The following RPRD2 variants were observed in gnomAD, a reference collection of about 807,000 sequenced individuals.
RPRD2 encodes regulation of nuclear pre-mRNA domain-containing protein 2.
RPRD2 carries 12 observed loss-of-function variants against 104.4 expected under a neutral mutation model. The observed-to-expected ratio is 0.11, with a 90% CI of 0.07 to 0.19. RPRD2 has a LOEUF of 0.19. RPRD2 is among the 10% of genes least tolerant of loss of function. The probability of loss-of-function intolerance (pLI) is 1.00; values close to 1 mark genes in which losing one functional copy is unlikely to be tolerated. For synonymous variants in RPRD2, 714 were observed against 684.9 expected (o/e 1.04, Z -0.66); for missense variants, 1,543 against 1,790.1 (o/e 0.86, Z 2.49).
intron 1 of RPRD2, among the ~76,000 whole-genome samples, chr1:150,401,045 G>A (rs782334698): frequency 2.0e-5 from 3 of 151,960 alleles, no homozygotes; most frequent in Admixed American, 6.6e-5. Context: ...GTGTGGTGGC[G>A]GGCACCTGTA....
intron 2 of RPRD2, among the ~76,000 whole-genome samples, chr1:150,431,506 G>A (rs1013212440): frequency 1.8e-5 from 1 of 57,130 alleles, no homozygotes; most frequent in Non-Finnish European, 3.2e-5. Context: ...TTGAGACGGG[G>A]TTTTGTCCTT....
intron 1 of RPRD2, among the ~76,000 whole-genome samples, chr1:150,398,834 C>T (rs1043443905): frequency 1.3e-5 from 2 of 152,014 alleles, no homozygotes; most frequent in Non-Finnish European, 2.9e-5. Flanking sequence ...TGAGACACCA[C>T]ACCCGGCCTT....
chr1:150,471,913 C>G lies in RPRD2; in HGVS notation c.2965C>G (p.Pro989Ala). The G allele has an allele frequency of 1.9e-6, 3 of 1,613,954 alleles. No homozygotes were observed. Among genetic ancestry groups the G allele is most frequent in the Non-Finnish European group, 2.5e-6 (3 of 1,179,890 alleles). ...NTLAAPTGHPPTSGVEKVLAS... is the reference protein window; with the variant it reads ...NTLAAPTGHPATSGVEKVLAS... The stretch of plus-strand genomic sequence containing the variant: ...CCTTGCCGCTCCCACGGGTCACCCA[C>G]CCACGTCAGGCGTGGAGAAAGTCCT... Residue 989 changes from proline (P) to alanine (A), a missense_variant, in exon 11 of 11, where the codon CCC (proline) becomes GCC (alanine). Coordinates refer to ENST00000369068, the MANE Select transcript of RPRD2 (RefSeq NM_015203.5). The surrounding 1 kb of genome is among the most constrained non-coding windows in gnomAD (Gnocchi z 5.3).
intron 7 of RPRD2, among the ~76,000 whole-genome samples, chr1:150,449,670 CACTTA>C (rs1667024471): frequency 6.6e-6 from 1 of 152,076 alleles, no homozygotes; most frequent in Non-Finnish European, 1.5e-5. Context: ...CTGATGACCT[CACTTA>C]ACTTGATTAC....
At chr1:150,469,227 C>T (rs1668462915) in intron 10 of RPRD2, among the ~76,000 whole-genome samples, 1 of 152,054 alleles carries the variant, frequency 6.6e-6, no homozygotes, top group East Asian at 1.9e-4. Context: ...TTAGTGTATT[C>T]AGTGACTAAA....
chr1:150,431,110 C>T (rs1381408613), intron 2 of RPRD2, among the ~76,000 whole-genome samples: 1 of 152,004 alleles, frequency 6.6e-6, no homozygotes, highest in Non-Finnish European at 1.5e-5. Flanking sequence ...ACTAGGGTAA[C>T]TATAATTCAA....
At chr1:150,386,165 G>A (rs1044845304) in intron 1 of RPRD2, among the ~76,000 whole-genome samples, 1 of 152,024 alleles carries the variant, frequency 6.6e-6, no homozygotes, top group Non-Finnish European at 1.5e-5. Context: ...GATGGTGGGG[G>A]ATCTCACTAT....
chr1:150,444,146 GTGTT>G (rs1482376588), intron 5 of RPRD2, 101 bp from the exon 6 acceptor site: 4 of 1,130,444 alleles, frequency 3.5e-6, no homozygotes, highest in East Asian at 2.5e-5. Flanking sequence ...AAGCTTTAGG[GTGTT>G]TGTTTTGTTT....
Position 150,470,614 on chromosome 1 carries a change from G to A in RPRD2, c.1666G>A (p.Ala556Thr), listed in dbSNP as rs1262097985. Residue 556 changes from alanine to threonine, a missense_variant, in exon 11 of 11, where the codon GCT becomes ACT. By Grantham distance (58) the Ala-to-Thr change is moderately conservative. Around this residue, in one of 4 missense-constraint regions of RPRD2, gnomAD observed 572 missense variants for 787.3 expected, o/e 0.73. Transcript: ENST00000369068. ...VTGNPVPASEAASQSTSASPA... is the reference protein window; with the variant it reads ...VTGNPVPASETASQSTSASPA... ...TGGGAACCCAGTTCCAGCCAGTGAA[G>A]CTGCCTCACAGAGCACTTCAGCCTC... The A allele has an allele frequency of 1.2e-6, 2 of 1,613,758 alleles. No individual in the cohort carries two copies. The highest frequency in any genetic ancestry group is 3.3e-5 in the Admixed American group (2 of 59,982).
chr1:150,472,700 C>T lies in RPRD2; in HGVS notation c.3752C>T (p.Ala1251Val), dbSNP rs1228375197. ...SNPFTKEAAL[A>V]HAAPPPPPGE... ...CCCTTCACAAAGGAGGCAGCCCTGG[C>T]CCATGCTGCCCCACCCCCTCCTCCT... Residue 1251 changes from alanine to valine, a missense_variant, in exon 11 of 11, where the codon GCC becomes GTC. Physicochemically the swap from Ala to Val is moderately conservative, Grantham distance 64 (BLOSUM62 0). This residue lies in a region of RPRD2 where 880 missense variants were observed against 885.6 expected (regional missense o/e 0.99). Coordinates refer to ENST00000369068, the MANE Select transcript of RPRD2 (RefSeq NM_015203.5). 3 of 1,613,752 alleles carry T rather than the reference C, an allele frequency of 1.9e-6. No homozygotes were observed. In the South Asian group the frequency reaches 3.3e-5, roughly 18 times the overall value.
intron 9 of RPRD2, among the ~76,000 whole-genome samples, chr1:150,462,549 T>TTTTATTTA (rs1189724325): frequency 6.6e-6 from 1 of 151,936 alleles, no homozygotes; most frequent in South Asian, 2.1e-4. Flanking sequence ...GGAATTTTAT[T>TTTTATTTA]TTTATTTATT....
In RPRD2 at chr1:150,471,130, G is replaced by A. The variant is rs760509886; in HGVS notation, c.2182G>A (p.Glu728Lys). 1 of 1,613,908 alleles carries A rather than the reference G, an allele frequency of 6.2e-7. No homozygotes were observed. Among genetic ancestry groups the A allele is most frequent in the African/African-American group, 1.3e-5 (1 of 75,016 alleles). ...DNIDGTPVRD[E>K]RSGTPTQDEM... is the part of the protein sequence containing the mutation. ...CATTGATGGAACCCCTGTACGGGAT[G>A]AACGGAGTGGGACACCCACCCAGGA... is the stretch of plus-strand genomic sequence containing the variant. The change falls in exon 11 of 11, where the codon GAA becomes AAA. Residue 728 changes from glutamate (E) to lysine (K), a missense_variant. Physicochemically the swap from Glu to Lys is moderately conservative, Grantham distance 56 (BLOSUM62 1). Coordinates refer to ENST00000369068, the MANE Select transcript of RPRD2 (RefSeq NM_015203.5). This position sits in a 1 kb window ranked among gnomAD's most constrained non-coding sequence, Gnocchi z 5.3.
chr1:150,436,652 C>T (rs188307875), intron 2 of RPRD2, among the ~76,000 whole-genome samples: 161 of 151,432 alleles, frequency 1.1e-3, no homozygotes, highest in African/African-American at 3.6e-3. Flanking sequence ...CCTGTAATCC[C>T]AGCACTTTGG....
intron 1 of RPRD2, among the ~76,000 whole-genome samples, chr1:150,383,785 T>A (rs1327849866): frequency 6.6e-6 from 1 of 152,202 alleles, no homozygotes; most frequent in Non-Finnish European, 1.5e-5. Flanking sequence ...TCCCCACACA[T>A]GCATGCTATT....
At chr1:150,459,957 G>T in intron 8 of RPRD2, 103 bp from the exon 9 acceptor site, 18 of 967,418 alleles carry the variant, frequency 1.9e-5, no homozygotes, top group East Asian at 2.6e-5. Flanking sequence ...CTAAAGTAGT[G>T]CCTTTTCCCC....
At position 150,473,733 on chromosome 1, in the gene RPRD2, T is replaced by C. The variant is rs1668756624; in HGVS notation, c.*399T>C. 6.5e-6 allele frequency: 1 copy of C among 154,750 alleles called. No homozygotes were observed. Among genetic ancestry groups the C allele is most frequent in the South Asian group, 2.0e-4 (1 of 4,934 alleles). 9.6% of individuals were successfully genotyped at this position (154,750 alleles called of 1,614,324 possible). ...GATAACCACATGTGCAATGTTGGGA[T>C]GTTATTTTGGGCTTGGCTTATCGAG... On this transcript the variant is annotated 3_prime_UTR_variant, in exon 11 of 11. Coordinates refer to ENST00000369068, the MANE Select transcript of RPRD2 (RefSeq NM_015203.5).
At position 150,444,384 on chromosome 1, in the gene RPRD2, C is replaced by T; in HGVS notation, c.694+7C>T. On this transcript the variant is annotated splice_region_variant and intron_variant, in intron 6 of 10. Transcript: ENST00000369068. ...ACTCTCAAATGCTTAAAAGGTAATGCTTACATCCTTTTAGAGTAAGTCAGA... is the reference window on the plus strand; with the variant it reads ...ACTCTCAAATGCTTAAAAGGTAATGTTTACATCCTTTTAGAGTAAGTCAGA... 1 of 1,610,138 alleles carries T rather than the reference C, an allele frequency of 6.2e-7. No individual in the cohort carries two copies. The highest frequency in any genetic ancestry group is 8.5e-7 in the Non-Finnish European group (1 of 1,178,500).
chr1:150,447,034 C>T (rs587714130), intron 7 of RPRD2, among the ~76,000 whole-genome samples: 5 of 152,136 alleles, frequency 3.3e-5, no homozygotes, highest in African/African-American at 1.2e-4. Flanking sequence ...CGAGGTTTCT[C>T]CATGTTGGTC....
In RPRD2 at chr1:150,398,397, T is replaced by C. The variant is rs113362300; in HGVS notation, c.206-19199T>C. Among the ~76,000 whole-genome samples, 1,394 of 151,916 alleles carry C rather than the reference T, an allele frequency of 9.2e-3. 16 individuals are homozygous for C. Among genetic ancestry groups the C allele is most frequent in the African/African-American group, 0.031 (1,302 of 41,460 alleles). On this transcript the variant is annotated intron_variant, in intron 1 of 10. Coordinates refer to ENST00000369068, the MANE Select transcript of RPRD2 (RefSeq NM_015203.5). ...ATTTTTAGTAGAGACGGGGTTTCAC[T>C]GTGTTAGCCAGGATGGTCTCGATCT...
Sources: allele counts gnomAD v4.1 joint callset (sites outside exome capture counted in the v4.1 genomes callset), GRCh38; gene constraint gnomAD v4.1.1; regional missense constraint gnomAD v4.1.1; non-coding constraint Gnocchi (gnomAD v3.1); transcripts MANE v1.5; gene names NCBI Gene and HGNC (gene_info 2026-07-23, HGNC 2026-07-21).